The following SRBD1 variants were observed in gnomAD, a reference collection of about 807,000 sequenced individuals.
SRBD1 encodes S1 RNA binding domain 1, also known as S1 RNA-binding domain-containing protein 1.
In SRBD1, 88 loss-of-function variants were observed where a neutral mutation model predicts 115.3. The ratio of observed to expected loss-of-function variants is 0.76; its 90% CI spans 0.64 to 0.91. The LOEUF is 0.91. Ranked by LOEUF, SRBD1 falls within the 40% of genes least tolerant of loss-of-function variation. The probability of loss-of-function intolerance (pLI) is 0.00; values close to 1 mark genes in which losing one functional copy is unlikely to be tolerated. For missense variants in SRBD1, 1,385 were observed against 1,177.4 expected (o/e 1.18, Z -2.58); for synonymous variants, 509 against 407.7 (o/e 1.25, Z -2.99).
intron 3 of SRBD1, among the ~76,000 whole-genome samples, chr2:45,600,358 C>T (rs917849187): frequency 3.3e-5 from 5 of 152,076 alleles, no homozygotes; most frequent in Non-Finnish European, 5.9e-5. Flanking sequence ...TATTTCTTCC[C>T]ATTGCATGTC....
intron 16 of SRBD1, among the ~76,000 whole-genome samples, chr2:45,461,767 C>T (rs908001380): frequency 4.6e-5 from 7 of 152,170 alleles, no homozygotes; most frequent in African/African-American, 1.7e-4. Flanking sequence ...ACAGGTGCCT[C>T]ATTTTCCTTG....
chr2:45,417,501 G>A (rs1160153118), intron 18 of SRBD1, among the ~76,000 whole-genome samples: 2 of 152,086 alleles, frequency 1.3e-5, no homozygotes, highest in Non-Finnish European at 2.9e-5. Flanking sequence ...TTCTAGTGAG[G>A]CTTAATCAGT....
intron 7 of SRBD1, among the ~76,000 whole-genome samples, chr2:45,575,974 G>T (rs1417165228): frequency 6.6e-6 from 1 of 152,218 alleles, no homozygotes; most frequent in Non-Finnish European, 1.5e-5. Flanking sequence ...AAAGTGTTGG[G>T]ATTACAGGCG....
chr2:45,519,284 G>T (rs1671211825), intron 14 of SRBD1, among the ~76,000 whole-genome samples: 1 of 151,994 alleles, frequency 6.6e-6, no homozygotes. Context: ...TGTACTCAGG[G>T]GTCCTAAACT....
At chr2:45,506,734 C>A (rs1670810670) in intron 14 of SRBD1, among the ~76,000 whole-genome samples, 1 of 152,188 alleles carries the variant, frequency 6.6e-6, no homozygotes. Flanking sequence ...CCAATTAATA[C>A]AGACCCATAG....
chr2:45,495,847 A>C (rs1200980910), intron 14 of SRBD1, among the ~76,000 whole-genome samples: 1 of 152,196 alleles, frequency 6.6e-6, no homozygotes, highest in East Asian at 1.9e-4. Flanking sequence ...CACTATTCTA[A>C]TTTTATAATT....
chr2:45,472,515 C>T (rs1669679512), intron 16 of SRBD1, among the ~76,000 whole-genome samples: 1 of 152,148 alleles, frequency 6.6e-6, no homozygotes, highest in Admixed American at 6.6e-5. Context: ...CTATGTCATC[C>T]AGGCTGGAGT....
At chr2:45,484,963 A>C (rs1343720226) in intron 15 of SRBD1, among the ~76,000 whole-genome samples, 1 of 152,216 alleles carries the variant, frequency 6.6e-6, no homozygotes, top group African/African-American at 2.4e-5. Context: ...TTGTATGGCT[A>C]TACCACATTT....
chr2:45,531,174 A>G (rs1671600647), intron 14 of SRBD1, among the ~76,000 whole-genome samples: 1 of 151,792 alleles, frequency 6.6e-6, no homozygotes, highest in African/African-American at 2.4e-5. Context: ...CCTCTGTGTC[A>G]GTTGTTGTGT....
At chr2:45,567,676 A>G (rs1406477459) in intron 9 of SRBD1, among the ~76,000 whole-genome samples, 1 of 152,202 alleles carries the variant, frequency 6.6e-6, no homozygotes, top group Non-Finnish European at 1.5e-5. Flanking sequence ...AACTATCTAT[A>G]AAGAAATAAA....
chr2:45,453,553 T>C (rs1019228740), intron 16 of SRBD1, among the ~76,000 whole-genome samples: 1 of 151,924 alleles, frequency 6.6e-6, no homozygotes, highest in Non-Finnish European at 1.5e-5. Context: ...TCTGTTTACA[T>C]ACATGGAGAG....
Position 45,406,903 on chromosome 2 carries a change from G to A in SRBD1, c.2513+6211C>T, listed in dbSNP as rs534362314. Among the ~76,000 whole-genome samples the A allele has an allele frequency of 1.5e-3, 231 of 151,748 alleles. 1 individual carries two copies. The highest frequency in any genetic ancestry group is 5.5e-3 in the African/African-American group (229 of 41,380). ...TTTTTTTTCTTCTTAAGAAGCACAT[G>A]TAACACAAGCCCTGTTACTTTTCTG... On this transcript the variant is annotated intron_variant, in intron 19 of 20. Transcript: ENST00000263736.
chr2:45,557,579 A>G (rs1394683084), intron 10 of SRBD1, among the ~76,000 whole-genome samples: 1 of 152,154 alleles, frequency 6.6e-6, no homozygotes, highest in Non-Finnish European at 1.5e-5. Context: ...AGACCACTAG[A>G]CCCAGCCCTG....
intron 16 of SRBD1, among the ~76,000 whole-genome samples, chr2:45,440,968 T>C (rs1318656994): frequency 6.6e-6 from 1 of 152,172 alleles, no homozygotes; most frequent in Non-Finnish European, 1.5e-5. Flanking sequence ...GCTTTTCTTC[T>C]CCACATGTAG....
chr2:45,405,473 C>G (rs1473421658), intron 19 of SRBD1, among the ~76,000 whole-genome samples: 4 of 152,116 alleles, frequency 2.6e-5, no homozygotes, highest in Non-Finnish European at 2.9e-5. Flanking sequence ...AAATCTCTCA[C>G]AGACAAATGG....
At chr2:45,516,973 C>A (rs1339601394) in intron 14 of SRBD1, among the ~76,000 whole-genome samples, 1 of 152,132 alleles carries the variant, frequency 6.6e-6, no homozygotes, top group Non-Finnish European at 1.5e-5. Flanking sequence ...ACCCATGGAG[C>A]TTACATGTTA....
intron 16 of SRBD1, among the ~76,000 whole-genome samples, chr2:45,435,693 G>A (rs572084233): frequency 7.2e-5 from 11 of 152,030 alleles, no homozygotes; most frequent in East Asian, 5.8e-4. Context: ...TGAACACCCC[G>A]GATACTCTGC....
At chr2:45,529,516 A>G (rs758891245) in intron 14 of SRBD1, among the ~76,000 whole-genome samples, 13 of 151,920 alleles carry the variant, frequency 8.6e-5, no homozygotes, top group Non-Finnish European at 1.5e-4. Context: ...GGTCCCTAAC[A>G]CCCTTCCAGT....
At chr2:45,472,970 T>G (rs1669695547) in intron 16 of SRBD1, among the ~76,000 whole-genome samples, 1 of 152,134 alleles carries the variant, frequency 6.6e-6, no homozygotes, top group South Asian at 2.1e-4. Context: ...TTTTTTTCTT[T>G]AGGAGTGTCT....
Sources: allele counts gnomAD v4.1 joint callset (sites outside exome capture counted in the v4.1 genomes callset), GRCh38; gene constraint gnomAD v4.1.1; transcripts MANE v1.5; gene names NCBI Gene and HGNC (gene_info 2026-07-23, HGNC 2026-07-21).